The following KLHL1 variants were observed in gnomAD, a reference collection of about 807,000 sequenced individuals.
KLHL1 encodes kelch-like protein 1.
A neutral mutation model predicts 77.7 loss-of-function variants in KLHL1; 47 were observed. The observed-to-expected ratio is 0.60, with a 90% CI of 0.48 to 0.77. The LOEUF is 0.77. KLHL1 is among the 30% of genes least tolerant of loss of function. The pLI is 0.00. For missense variants in KLHL1, 925 were observed against 910.8 expected, an observed-to-expected ratio of 1.02 and a Z score of -0.20; for synonymous variants, 360 against 325.2, an observed-to-expected ratio of 1.11 and a Z score of -1.15.
intron 8 of KLHL1, among the ~76,000 whole-genome samples, chr13:69,723,611 T>G (rs1002885893): frequency 3.3e-5 from 5 of 152,078 alleles, no homozygotes; most frequent in African/African-American, 1.2e-4. Context: ...GAAAATCTCA[T>G]TCAGGCCATG....
chr13:69,995,474 G>A (rs974813170), intron 1 of KLHL1, among the ~76,000 whole-genome samples: 2 of 152,080 alleles, frequency 1.3e-5, no homozygotes, highest in African/African-American at 4.8e-5. Context: ...CTCTCTCCAA[G>A]TTATTTTATT....
At chr13:69,774,516 G>A (rs760294123) in intron 7 of KLHL1, among the ~76,000 whole-genome samples, 11 of 151,912 alleles carry the variant, frequency 7.2e-5, no homozygotes, top group Non-Finnish European at 1.5e-4. Context: ...AAAATGGTAT[G>A]AGTTCATTTT....
chr13:70,011,010 T>C (rs1885522507), intron 1 of KLHL1, among the ~76,000 whole-genome samples: 1 of 152,052 alleles, frequency 6.6e-6, no homozygotes, highest in Non-Finnish European at 1.5e-5. Flanking sequence ...CTGGGGCAAG[T>C]TAAGATGTTG....
chr13:70,069,142 T>C (rs780052202), intron 1 of KLHL1, among the ~76,000 whole-genome samples: 1 of 152,148 alleles, frequency 6.6e-6, no homozygotes, highest in Non-Finnish European at 1.5e-5. Flanking sequence ...GACGGAGACC[T>C]AGTCATAAGG....
chr13:69,895,510 A>G (rs901220636), intron 4 of KLHL1, among the ~76,000 whole-genome samples: 6 of 152,040 alleles, frequency 3.9e-5, no homozygotes, highest in African/African-American at 1.4e-4. Flanking sequence ...TTAGTTTCCT[A>G]TTGCTGCTGT....
intron 5 of KLHL1, among the ~76,000 whole-genome samples, chr13:69,865,440 A>T (rs1239603343): frequency 6.6e-6 from 1 of 152,172 alleles, no homozygotes; most frequent in Non-Finnish European, 1.5e-5. Context: ...GATTCTAAGG[A>T]TATGGTATGT....
chr13:70,056,043 AACAG>A (rs1190926616), intron 1 of KLHL1, among the ~76,000 whole-genome samples: 1 of 152,078 alleles, frequency 6.6e-6, no homozygotes, highest in Non-Finnish European at 1.5e-5. Context: ...ATGGATAAAA[AACAG>A]ACAATCAAAC....
chr13:69,935,432 T>C (rs918061432), intron 4 of KLHL1, among the ~76,000 whole-genome samples: 2 of 151,926 alleles, frequency 1.3e-5, no homozygotes, highest in Non-Finnish European at 2.9e-5. Context: ...AAAACAACAA[T>C]AACAAAAACA....
intron 1 of KLHL1, among the ~76,000 whole-genome samples, chr13:70,088,665 CAG>C (rs143557827): frequency 0.053 from 8,006 of 152,060 alleles, 578 homozygotes; most frequent in African/African-American, 0.17. Context: ...CCTGGGGTAA[CAG>C]AGCAAGACCC....
chr13:70,102,206 G>C (rs1442550288), intron 1 of KLHL1, among the ~76,000 whole-genome samples: 1 of 152,138 alleles, frequency 6.6e-6, no homozygotes, highest in East Asian at 1.9e-4. Flanking sequence ...GATTTTTAAT[G>C]GTGTGTGCTC....
intron 8 of KLHL1, among the ~76,000 whole-genome samples, chr13:69,721,909 A>T (rs1873082845): frequency 6.6e-6 from 1 of 152,100 alleles, no homozygotes; most frequent in Non-Finnish European, 1.5e-5. Flanking sequence ...TTGCAAAAGC[A>T]CCCAGAAGTG....
chr13:69,767,435 G>A (rs1268349101), intron 7 of KLHL1, among the ~76,000 whole-genome samples: 1 of 151,954 alleles, frequency 6.6e-6, no homozygotes, highest in Non-Finnish European at 1.5e-5. Context: ...GGTAACTCAT[G>A]CCTGTAATCC....
chr13:69,974,965 A>T (rs1472119092), intron 2 of KLHL1, among the ~76,000 whole-genome samples: 2 of 152,032 alleles, frequency 1.3e-5, no homozygotes, highest in Non-Finnish European at 2.9e-5. Flanking sequence ...TAGTTATGCA[A>T]TGTCAAATGT....
At chr13:70,045,028 G>C (rs1269333605) in intron 1 of KLHL1, among the ~76,000 whole-genome samples, 2 of 152,138 alleles carry the variant, frequency 1.3e-5, no homozygotes, top group East Asian at 3.9e-4. Flanking sequence ...CGGGTGCTAT[G>C]TATAATATTC....
Position 69,909,156 on chromosome 13 carries a change from C to T in KLHL1, c.1015-26661G>A, listed in dbSNP as rs114217902. Among the ~76,000 whole-genome samples the T allele has an allele frequency of 7.2e-3, 1,087 of 150,844 alleles. 9 individuals are homozygous for T. Among genetic ancestry groups the T allele is most frequent in the African/African-American group, 0.024 (992 of 41,278 alleles). On this transcript the variant is annotated intron_variant, in intron 4 of 10. Transcript: ENST00000377844. ...AAAGGAGAACAAATAAGTGGATGCT[C>T]AAGACAGAAAGAGAGAGAGAGAAAG...
intron 1 of KLHL1, among the ~76,000 whole-genome samples, chr13:70,052,235 G>A (rs1389685850): frequency 2.0e-5 from 3 of 151,380 alleles, no homozygotes; most frequent in African/African-American, 4.9e-5. Context: ...GTCTCCTGTC[G>A]GTGTAGCATA....
intron 8 of KLHL1, among the ~76,000 whole-genome samples, chr13:69,730,510 G>A (rs893442787): frequency 6.6e-6 from 1 of 152,058 alleles, no homozygotes; most frequent in Non-Finnish European, 1.5e-5. Context: ...AAGGCAAAAA[G>A]TATTATGCTT....
At chr13:69,871,282 G>C (rs980456643) in intron 5 of KLHL1, among the ~76,000 whole-genome samples, 3 of 152,124 alleles carry the variant, frequency 2.0e-5, no homozygotes, top group African/African-American at 7.2e-5. Flanking sequence ...ACAGGGAAGT[G>C]GTGCTCTGAG....
At chr13:70,069,784 G>C (rs1050852561) in intron 1 of KLHL1, among the ~76,000 whole-genome samples, 2 of 151,964 alleles carry the variant, frequency 1.3e-5, no homozygotes, top group African/African-American at 4.8e-5. Context: ...AAAATGAAAA[G>C]ATTTTAAAAA....
Sources: allele counts gnomAD v4.1 joint callset (sites outside exome capture counted in the v4.1 genomes callset), GRCh38; gene constraint gnomAD v4.1.1; transcripts MANE v1.5; gene names NCBI Gene and HGNC (gene_info 2026-07-23, HGNC 2026-07-21).